The following CYTH1 variants were observed in gnomAD, a reference collection of about 807,000 sequenced individuals.
CYTH1 encodes the protein cytohesin-1.
CYTH1 carries 18 observed loss-of-function variants against 61.8 expected under a neutral mutation model. The observed-to-expected ratio is 0.29, with a 90% CI of 0.20 to 0.43. The LOEUF is 0.43. CYTH1 is among the 20% of genes least tolerant of loss of function. The pLI, the probability that CYTH1 is intolerant of heterozygous loss-of-function variation, is 1.00. For missense variants in CYTH1, 336 were observed against 510.5 expected (o/e 0.66, Z 3.29); for synonymous variants, 174 against 184.3 (o/e 0.94, Z 0.45).
rs59042673 is a variant in CYTH1, at chr17:78,710,114, A to G, written c.23-382T>C. On this transcript the variant is annotated intron_variant, in intron 1 of 13. Transcript: ENST00000446868. ...TCTAGGCCTCAGCTCCCTCATGGTCAAAAACAGAGTCTCCGAGATGGAAAG... is the reference window on the plus strand; with the variant it reads ...TCTAGGCCTCAGCTCCCTCATGGTCGAAAACAGAGTCTCCGAGATGGAAAG... Among the ~76,000 whole-genome samples, 432 of 152,326 alleles carry G rather than the reference A, an allele frequency of 2.8e-3. 1 individual carries two copies. The highest frequency in any genetic ancestry group is 9.9e-3 in the African/African-American group (412 of 41,580).
intron 13 of CYTH1, 138 bp downstream of exon 13, chr17:78,680,052 G>C: frequency 8.2e-7 from 1 of 1,219,248 alleles, no homozygotes; most frequent in South Asian, 1.6e-5. Flanking sequence ...CCGTCAGCTG[G>C]GAACCAGGAC....
chr17:78,755,282 T>C (rs1429120159), intron 1 of CYTH1, among the ~76,000 whole-genome samples: 1 of 151,980 alleles, frequency 6.6e-6, no homozygotes, highest in Admixed American at 6.6e-5. Flanking sequence ...TTCAAGCAAT[T>C]CTCCTGCCTC....
chr17:78,773,901 T>C (rs1246561824), intron 1 of CYTH1, among the ~76,000 whole-genome samples: 1 of 152,190 alleles, frequency 6.6e-6, no homozygotes, highest in Non-Finnish European at 1.5e-5. Flanking sequence ...AGAAAAGAGT[T>C]AACCTAAGTT....
intron 1 of CYTH1, among the ~76,000 whole-genome samples, chr17:78,719,211 T>G (rs1235237921): frequency 6.6e-6 from 1 of 152,206 alleles, no homozygotes; most frequent in African/African-American, 2.4e-5. Flanking sequence ...TGGATGACCC[T>G]GGGCAAGTTA....
At chr17:78,780,775 G>A (rs2093513726) in intron 1 of CYTH1, among the ~76,000 whole-genome samples, 1 of 152,188 alleles carries the variant, frequency 6.6e-6, no homozygotes, top group Non-Finnish European at 1.5e-5. Context: ...GGGAGGCCGA[G>A]GCGGGTGGAT....
intron 11 of CYTH1, among the ~76,000 whole-genome samples, chr17:78,681,885 G>T (rs987880559): frequency 6.6e-6 from 1 of 150,722 alleles, no homozygotes; most frequent in East Asian, 2.0e-4. Context: ...CTCTAAAAGC[G>T]AAAAAGAGTC....
intron 1 of CYTH1, among the ~76,000 whole-genome samples, chr17:78,759,446 CCT>C (rs1396850087): frequency 6.6e-6 from 1 of 152,122 alleles, no homozygotes; most frequent in Non-Finnish European, 1.5e-5. Flanking sequence ...CCACTGGCTG[CCT>C]AGCAACAGCT....
intron 10 of CYTH1, 109 bp downstream of exon 10, chr17:78,695,898 C>A: frequency 7.5e-7 from 1 of 1,334,970 alleles, no homozygotes; most frequent in Non-Finnish European, 1.0e-6. Flanking sequence ...AGCATTAACA[C>A]TACCACCGGC....
At chr17:78,757,598 G>C (rs148390628) in intron 1 of CYTH1, among the ~76,000 whole-genome samples, 104 of 152,150 alleles carry the variant, frequency 6.8e-4, no homozygotes, top group African/African-American at 2.2e-3. Context: ...GCTGAGAGAG[G>C]CAGGAAAAAA....
At chr17:78,775,438 G>A (rs547468881) in intron 1 of CYTH1, among the ~76,000 whole-genome samples, 69 of 152,230 alleles carry the variant, frequency 4.5e-4, no homozygotes, top group Admixed American at 1.3e-3. Flanking sequence ...CGAAATATGC[G>A]AATGAACAAC....
chr17:78,681,490 C>T (rs1322415703), intron 11 of CYTH1, among the ~76,000 whole-genome samples: 1 of 152,170 alleles, frequency 6.6e-6, no homozygotes, highest in Non-Finnish European at 1.5e-5. Context: ...CTCACTGCCT[C>T]TGTCCATCGC....
At chr17:78,775,735 A>T (rs1203499655) in intron 1 of CYTH1, among the ~76,000 whole-genome samples, 1 of 152,250 alleles carries the variant, frequency 6.6e-6, no homozygotes, top group Non-Finnish European at 1.5e-5. Flanking sequence ...AAATTATTTT[A>T]AAATTCTCTG....
intron 1 of CYTH1, among the ~76,000 whole-genome samples, chr17:78,728,752 A>G (rs768362604): frequency 1.2e-4 from 18 of 152,348 alleles, no homozygotes; most frequent in Non-Finnish European, 2.4e-4. Flanking sequence ...GAAAAAGACC[A>G]GAAAACAAAC....
rs1265283181 is a variant in CYTH1, at chr17:78,748,186, GGT to G, written c.22+34014_22+34015del. On this transcript the variant is annotated intron_variant, in intron 1 of 13. Transcript: ENST00000446868. ...ACTAAAGATGCTGACCCACATTTGT[GGT>G]AAGTTTCACCTCTAAACATTCTCTG... Among the ~76,000 whole-genome samples the G allele has an allele frequency of 7.2e-5, 11 of 152,212 alleles. No homozygotes were observed. The East Asian group carries it at 1.9e-3, about 27-fold the overall frequency.
In CYTH1 at chr17:78,680,326, T is replaced by C. The variant is rs376879430; in HGVS notation, c.982A>G (p.Ile328Val). ...SKKPNCFELYIPDNKDQVIKA... is the reference protein window; with the variant it reads ...SKKPNCFELYVPDNKDQVIKA... ...ATAACTTGGTCTTTATTGTCGGGGATATAAAGCTCAAAGCAGTTCTGAGAA... is the reference window on the plus strand; with the variant it reads ...ATAACTTGGTCTTTATTGTCGGGGACATAAAGCTCAAAGCAGTTCTGAGAA... The change falls in exon 13 of 14, where the codon ATC (isoleucine) becomes GTC (valine). Residue 328 changes from isoleucine (I) to valine (V), a missense_variant. Ile to Val is a conservative substitution (Grantham distance 29, BLOSUM62 3). Around this residue, in one of 4 missense-constraint regions of CYTH1, gnomAD observed 83 missense variants for 115.6 expected, o/e 0.72. Transcript: ENST00000446868. 2 of 1,613,786 alleles carry C rather than the reference T, an allele frequency of 1.2e-6. No individual in the cohort carries two copies. The highest frequency in any genetic ancestry group is 1.7e-6 in the Non-Finnish European group (2 of 1,179,872).
Position 78,697,325 on chromosome 17 carries a change from CA to C in CYTH1, c.811+943del, listed in dbSNP as rs5822262. Among the ~76,000 whole-genome samples the C allele has an allele frequency of 5.5e-3, 520 of 95,302 alleles. 3 individuals carry two copies. The highest frequency in any genetic ancestry group is 0.018 in the Middle Eastern group (3 of 164). The allele number at this position is 95,302 out of a possible 152,430, so 62.5% of individuals were successfully genotyped here. ...CAGAGGAAAGTACCCTGCTAGTGTC[CA>C]AAAAAAAAAAAAAAAAAAGGACATC... is the stretch of plus-strand genomic sequence containing the variant. On this transcript the variant is annotated intron_variant, in intron 9 of 13. Coordinates refer to ENST00000446868, the MANE Select transcript of CYTH1 (RefSeq NM_004762.6).
intron 10 of CYTH1, among the ~76,000 whole-genome samples, 157 bp from the exon 11 acceptor site, chr17:78,692,650 G>A (rs2092900312): frequency 6.6e-6 from 1 of 151,962 alleles, no homozygotes; most frequent in African/African-American, 2.4e-5. Flanking sequence ...AAGACACAGA[G>A]CTGAAACAGA....
intron 3 of CYTH1, among the ~76,000 whole-genome samples, chr17:78,706,115 AT>A (rs1001715312): frequency 8.6e-5 from 13 of 151,556 alleles, no homozygotes; most frequent in African/African-American, 2.9e-4. Context: ...GAAAAAAGCC[AT>A]TTTTTTTTAC....
intron 1 of CYTH1, among the ~76,000 whole-genome samples, chr17:78,770,148 CA>C (rs766248056): frequency 1.1e-3 from 147 of 131,406 alleles, no homozygotes; most frequent in South Asian, 1.9e-3. Context: ...GACTTCGTCT[CA>C]AAAAAAAAAA....
Sources: allele counts gnomAD v4.1 joint callset (sites outside exome capture counted in the v4.1 genomes callset), GRCh38; gene constraint gnomAD v4.1.1; regional missense constraint gnomAD v4.1.1; transcripts MANE v1.5; gene names NCBI Gene and HGNC (gene_info 2026-07-23, HGNC 2026-07-21).